PLA2R1: variants seen among roughly 807,000 people sequenced by gnomAD.
PLA2R1 encodes secretory phospholipase A2 receptor.
In PLA2R1, 158 loss-of-function variants were observed where a neutral mutation model predicts 195.9. The observed-to-expected ratio is 0.81, with a 90% CI of 0.71 to 0.92. PLA2R1 has a LOEUF of 0.92. Ranked by LOEUF, PLA2R1 falls within the 40% of genes least tolerant of loss-of-function variation. The pLI is 0.00. For missense variants in PLA2R1, 1,626 were observed against 1,764.6 expected (o/e 0.92, Z 1.41); for synonymous variants, 586 against 598.2 (o/e 0.98, Z 0.30).
At chr2:160,014,312 C>A (rs1341034301) in intron 9 of PLA2R1, among the ~76,000 whole-genome samples, 4 of 149,120 alleles carry the variant, frequency 2.7e-5, no homozygotes, top group African/African-American at 9.9e-5. Context: ...AGCTTTGGCA[C>A]TCAGACAAAA....
intron 11 of PLA2R1, among the ~76,000 whole-genome samples, chr2:160,004,351 G>A (rs927255669): frequency 5.9e-5 from 9 of 152,128 alleles, no homozygotes; most frequent in South Asian, 4.1e-4. Flanking sequence ...TTTAAAAATC[G>A]GTGGAGCTTT....
At chr2:160,036,218 A>T (rs1457843036) in intron 3 of PLA2R1, among the ~76,000 whole-genome samples, 1 of 152,222 alleles carries the variant, frequency 6.6e-6, no homozygotes, top group Non-Finnish European at 1.5e-5. Flanking sequence ...ATCTCTACAT[A>T]ACTGACTCAC....
intron 10 of PLA2R1, among the ~76,000 whole-genome samples, chr2:160,013,039 G>A (rs77456809): frequency 0.039 from 5,950 of 152,156 alleles, 144 homozygotes; most frequent in African/African-American, 0.057. Context: ...AATCTTTACA[G>A]ATAGTAAAGG....
intron 1 of PLA2R1, among the ~76,000 whole-genome samples, chr2:160,062,000 G>C (rs1695988116): frequency 6.6e-6 from 1 of 152,028 alleles, no homozygotes; most frequent in Non-Finnish European, 1.5e-5. Context: ...GGCTCCGGGC[G>C]CCAGAGCCGA....
At chr2:159,995,116 A>G (rs1242291320) in intron 11 of PLA2R1, among the ~76,000 whole-genome samples, 1 of 152,122 alleles carries the variant, frequency 6.6e-6, no homozygotes, top group East Asian at 1.9e-4. Flanking sequence ...CAGGCAGGAA[A>G]GAAATGTGAT....
At chr2:160,056,944 G>A (rs1178037965) in intron 1 of PLA2R1, among the ~76,000 whole-genome samples, 1 of 152,114 alleles carries the variant, frequency 6.6e-6, no homozygotes, top group Non-Finnish European at 1.5e-5. Context: ...ACTGCTTCTT[G>A]TTTTGCCTGG....
chr2:159,990,085 T>A (rs1432140882), intron 11 of PLA2R1, among the ~76,000 whole-genome samples: 1 of 152,084 alleles, frequency 6.6e-6, no homozygotes, highest in Non-Finnish European at 1.5e-5. Flanking sequence ...TAAAGTGGTA[T>A]AATAAAGGGA....
intron 11 of PLA2R1, among the ~76,000 whole-genome samples, chr2:159,991,341 T>C (rs1170524614): frequency 6.6e-6 from 1 of 152,118 alleles, no homozygotes; most frequent in African/African-American, 2.4e-5. Flanking sequence ...TCCTTATTTA[T>C]ATGGTGGCTC....
chr2:159,942,190 T>G (rs781345087), intron 28 of PLA2R1, 31 bp from the exon 29 acceptor site: 54 of 1,562,490 alleles, frequency 3.5e-5, no homozygotes, highest in Non-Finnish European at 4.6e-5. Context: ...TAAAATGAGG[T>G]TTTTCTTTTA....
At chr2:159,963,773 A>G (rs1433227345) in intron 20 of PLA2R1, among the ~76,000 whole-genome samples, 1 of 152,216 alleles carries the variant, frequency 6.6e-6, no homozygotes, top group Non-Finnish European at 1.5e-5. Flanking sequence ...ACACACGGCT[A>G]GCAGGATTGT....
intron 6 of PLA2R1, among the ~76,000 whole-genome samples, chr2:160,023,982 A>AG (rs1693332006): frequency 6.7e-6 from 1 of 150,026 alleles, no homozygotes; most frequent in Admixed American, 6.7e-5. Context: ...GGACCCTAGC[A>AG]GCCTCCAACA....
In PLA2R1 at chr2:160,020,127, C is replaced by G; in HGVS notation, c.1431G>C (p.Leu477=). ...EPHIFPNRSQ[L]CVSAEQSEGH... The stretch of plus-strand genomic sequence containing the variant: ...TTACAGACTGCTCTGCTGAGACACA[C>G]AGCTGGCTTCTATTTGGAAAAATGT... The change falls in exon 8 of 30, where the codon CTG becomes CTC. Residue 477 remains leucine (L), a synonymous_variant. Coordinates refer to ENST00000283243, the MANE Select transcript of PLA2R1 (RefSeq NM_007366.5). The G allele has an allele frequency of 6.2e-7, 1 of 1,613,742 alleles. No homozygotes were observed. Among genetic ancestry groups the G allele is most frequent in the Non-Finnish European group, 8.5e-7 (1 of 1,179,802 alleles).
Position 159,941,979 on chromosome 2 carries a change from G to A in PLA2R1, c.4191C>T (p.Ser1397=), listed in dbSNP as rs1317608491. The change falls in exon 30 of 30, where the codon AGC becomes AGT. Residue 1397 remains serine (S), a synonymous_variant. Coordinates refer to ENST00000283243, the MANE Select transcript of PLA2R1 (RefSeq NM_007366.5). Reference sequence around the variant, plus strand: ...TCAGTACAACCGCAAGAGGAATGATGCTGTGACTTGGTCCTGAAAGAAGAT... The same window carrying A: ...TCAGTACAACCGCAAGAGGAATGATACTGTGACTTGGTCCTGAAAGAAGAT... ...EALPEKGPSH[S]IIPLAVVLTL... is the part of the protein sequence containing the mutation. The A allele has an allele frequency of 1.2e-6, 2 of 1,613,068 alleles. No homozygotes were observed. Among genetic ancestry groups the A allele is most frequent in the Non-Finnish European group, 8.5e-7 (1 of 1,179,202 alleles).
In PLA2R1 at chr2:159,947,515, T is replaced by C. The variant is rs1211018681; in HGVS notation, c.3754A>G (p.Ile1252Val). 2 of 1,613,256 alleles carry C rather than the reference T, an allele frequency of 1.2e-6. No individual in the cohort carries two copies. The highest frequency in any genetic ancestry group is 1.3e-5 in the African/African-American group (1 of 75,026). The change falls in exon 26 of 30, where the codon ATT becomes GTT. Residue 1252 changes from isoleucine (I) to valine (V), a missense_variant. Transcript: ENST00000283243. ...TTACTTTTAAATTTTATCCAGGGAA[T>C]AGATGTTTCTGAGCACAACTCTGGG... ...EHPELCSETS[I>V]PWIKFKSNCY...
intron 28 of PLA2R1, among the ~76,000 whole-genome samples, chr2:159,942,914 G>GA (rs1359669337): frequency 1.3e-5 from 2 of 150,608 alleles, no homozygotes; most frequent in East Asian, 3.9e-4. Flanking sequence ...TGATAGACAT[G>GA]AAAAAAATCA....
At chr2:159,984,326 G>A (rs1240615951) in intron 12 of PLA2R1, among the ~76,000 whole-genome samples, 1 of 151,942 alleles carries the variant, frequency 6.6e-6, no homozygotes, top group Non-Finnish European at 1.5e-5. Flanking sequence ...GCTTTTTGAG[G>A]AATTTTTTTT....
At chr2:159,951,253 A>G in intron 24 of PLA2R1, 87 bp downstream of exon 24, 2 of 746,022 alleles carry the variant, frequency 2.7e-6, no homozygotes, top group Non-Finnish European at 4.7e-6. Context: ...TCTTTTTTTC[A>G]GTGCTAATTT....
intron 3 of PLA2R1, among the ~76,000 whole-genome samples, chr2:160,038,266 G>T (rs1694293653): frequency 6.6e-6 from 1 of 152,204 alleles, no homozygotes. Flanking sequence ...AAGGAAAAGG[G>T]CCCAGCAAAG....
chr2:160,035,615 C>G (rs927571521), intron 3 of PLA2R1, among the ~76,000 whole-genome samples: 7 of 152,090 alleles, frequency 4.6e-5, no homozygotes, highest in Admixed American at 6.5e-5. Flanking sequence ...TTATGGGCTC[C>G]AGGGAAGCAA....
Sources: gnomAD v4.1 joint callset for allele counts (sites outside exome capture counted in the v4.1 genomes callset) on GRCh38, gnomAD v4.1.1 for gene constraint, MANE v1.5 for transcripts, NCBI Gene and HGNC (gene_info 2026-07-23, HGNC 2026-07-21) for gene names.